TCERG1: variants seen among roughly 807,000 people sequenced by gnomAD.
The protein encoded by TCERG1 is transcription elongation regulator 1, also known as TATA box binding protein (TBP)-associated factor, RNA polymerase II, S, 150kD.
In TCERG1, 37 loss-of-function variants were observed where a neutral mutation model predicts 144.7. The ratio of observed to expected loss-of-function variants is 0.26; its 90% CI spans 0.20 to 0.34. The LOEUF is 0.34. Among genes scored for constraint, TCERG1 ranks in the 10% least tolerant of loss-of-function variants. The probability of loss-of-function intolerance (pLI) is 1.00; values close to 1 mark genes in which losing one functional copy is unlikely to be tolerated. For synonymous variants in TCERG1, 492 were observed against 458.2 expected (o/e 1.07, Z -0.94); for missense variants, 1,027 against 1,380.7 (o/e 0.74, Z 4.06).
rs139551859 is a variant in TCERG1, at chr5:146,503,611, G to C, written c.2598+72G>C. ...CTTGTGTTTAAGGGTATATGTTGTT[G>C]TTGGGGATTTTTCTATTGGGGGTTT... On this transcript the variant is annotated intron_variant, in intron 18 of 22. Coordinates refer to ENST00000679501, the MANE Select transcript of TCERG1 (RefSeq NM_001382548.1). 5.3e-5 allele frequency: 82 copies of C among 1,534,378 alleles called. 1 individual carries two copies. In the African/African-American group the frequency reaches 8.2e-4, roughly 15 times the overall value.
In TCERG1 at chr5:146,455,231, A is replaced by G. The variant is rs753862580; in HGVS notation, c.235A>G (p.Met79Val). 21 of 1,614,048 alleles carry G rather than the reference A, an allele frequency of 1.3e-5. No homozygotes were observed. Among genetic ancestry groups the G allele is most frequent in the Non-Finnish European group, 1.6e-5 (19 of 1,180,036 alleles). Residue 79 changes from methionine (M) to valine (V), a missense_variant, in exon 2 of 23, where the codon ATG (methionine) becomes GTG (valine). Coordinates refer to ENST00000679501, the MANE Select transcript of TCERG1 (RefSeq NM_001382548.1). ...TCCTTTTGATCCTAATATGCCGCCA[A>G]TGCCTCCTCCAGGAGGGATACCTCC... ...RPPFDPNMPPMPPPGGIPPPM... is the reference protein window; with the variant it reads ...RPPFDPNMPPVPPPGGIPPPM...
chr5:146,458,263 G>A (rs543156731), intron 3 of TCERG1, among the ~76,000 whole-genome samples: 31 of 151,262 alleles, frequency 2.0e-4, no homozygotes, highest in South Asian at 4.2e-4. Context: ...TGCAACCTCC[G>A]CCTCCCGGGT....
chr5:146,494,326 C>G (rs1466987993), intron 16 of TCERG1, among the ~76,000 whole-genome samples: 1 of 152,038 alleles, frequency 6.6e-6, no homozygotes, highest in Non-Finnish European at 1.5e-5. Flanking sequence ...TAAGTGAAGT[C>G]TTAAGATGTC....
chr5:146,492,693 T>C (rs1766540575), intron 15 of TCERG1, among the ~76,000 whole-genome samples: 1 of 152,174 alleles, frequency 6.6e-6, no homozygotes, highest in East Asian at 1.9e-4. Context: ...TAAAGAGGCT[T>C]TTTGCTGTTT....
intron 19 of TCERG1, 110 bp from the exon 20 acceptor site, chr5:146,506,918 G>A (rs1298172582): frequency 1.1e-6 from 1 of 875,136 alleles, no homozygotes; most frequent in African/African-American, 1.7e-5. Context: ...AGACACTTAG[G>A]TTGATTCCAT....
chr5:146,475,672 G>A (rs1239672683), intron 9 of TCERG1, among the ~76,000 whole-genome samples: 1 of 152,158 alleles, frequency 6.6e-6, no homozygotes, highest in Non-Finnish European at 1.5e-5. Flanking sequence ...TGAGCAGTAG[G>A]ATATAAATCC....
chr5:146,477,910 C>T (rs1001624567), intron 9 of TCERG1, among the ~76,000 whole-genome samples: 2 of 151,790 alleles, frequency 1.3e-5, no homozygotes, highest in Non-Finnish European at 2.9e-5. Flanking sequence ...ACCATGTTGC[C>T]CAGGCTGGTC....
At chr5:146,505,186 T>TG (rs1554103955) in intron 19 of TCERG1, among the ~76,000 whole-genome samples, 1 of 152,104 alleles carries the variant, frequency 6.6e-6, no homozygotes, top group Non-Finnish European at 1.5e-5. Context: ...GAGTTGCATG[T>TG]GGCCTGTGGG....
At chr5:146,453,888 A>T (rs1391109809) in intron 1 of TCERG1, among the ~76,000 whole-genome samples, 1 of 152,062 alleles carries the variant, frequency 6.6e-6, no homozygotes, top group African/African-American at 2.4e-5. Context: ...AAGAATACAC[A>T]TCCCCCTTTT....
rs185266111 is a variant in TCERG1, at chr5:146,458,206, C to T, written c.439-678C>T. Among the ~76,000 whole-genome samples, 80 of 151,470 alleles carry T rather than the reference C, an allele frequency of 5.3e-4. 1 individual carries two copies. Among genetic ancestry groups the T allele is most frequent in the African/African-American group, 1.8e-3 (73 of 41,258 alleles). The stretch of plus-strand genomic sequence containing the variant: ...TTTTTTTATTTTTGAGATGGAGTCT[C>T]GTGCTGTCACCCAGCCTGGAGTGCA... On this transcript the variant is annotated intron_variant, in intron 3 of 22. Transcript: ENST00000679501.
chr5:146,453,502 A>G (rs193152263), intron 1 of TCERG1, among the ~76,000 whole-genome samples: 57 of 152,346 alleles, frequency 3.7e-4, no homozygotes, highest in African/African-American at 1.2e-3. Flanking sequence ...TTACTTAACT[A>G]CAGCCTAATT....
chr5:146,447,645 C>T (rs1458614589), intron 1 of TCERG1, among the ~76,000 whole-genome samples: 1 of 152,216 alleles, frequency 6.6e-6, no homozygotes, highest in Non-Finnish European at 1.5e-5. Flanking sequence ...TTTCTTGGGG[C>T]CTCGCCGCCT....
rs757702427 is a variant in TCERG1 at position 146,480,074 on chromosome 5, T to A, written c.1866T>A (p.Pro622=). ...TGGAAGAAATTAATGAAGATGAGCCTGTTAAAGCAAAAAAACGGAAGTAAG... is the reference window on the plus strand; with the variant it reads ...TGGAAGAAATTAATGAAGATGAGCCAGTTAAAGCAAAAAAACGGAAGTAAG... The part of the protein sequence containing the change: ...ELMEEINEDE[P]VKAKKRKRMS... Residue 622 remains proline, a synonymous_variant, in exon 12 of 23, where the codon CCT becomes CCA. Transcript: ENST00000679501. 1.9e-6 allele frequency: 3 copies of A among 1,598,210 alleles called. No homozygotes were observed. The highest frequency in any genetic ancestry group is 2.6e-6 in the Non-Finnish European group (3 of 1,173,948).
intron 17 of TCERG1, among the ~76,000 whole-genome samples, chr5:146,500,847 C>T (rs1469067340): frequency 6.6e-6 from 1 of 151,744 alleles, no homozygotes; most frequent in African/African-American, 2.4e-5. Context: ...ATCTCTACAA[C>T]AAAACAAAAA....
At chr5:146,487,393 A>T (rs995196188) in intron 15 of TCERG1, among the ~76,000 whole-genome samples, 1 of 152,176 alleles carries the variant, frequency 6.6e-6, no homozygotes, top group Non-Finnish European at 1.5e-5. Flanking sequence ...AAAGCAATCT[A>T]CAGATTCAGT....
At chr5:146,479,260 A>G (rs1019015211) in intron 10 of TCERG1, among the ~76,000 whole-genome samples, 1 of 152,156 alleles carries the variant, frequency 6.6e-6, no homozygotes, top group Non-Finnish European at 1.5e-5. Flanking sequence ...GTGGCCCGCA[A>G]GTGGTATAGA....
intron 17 of TCERG1, 26 bp downstream of exon 17, chr5:146,498,712 G>A (rs758373485): frequency 8.8e-6 from 14 of 1,594,410 alleles, no homozygotes; most frequent in Non-Finnish European, 9.4e-6. Context: ...TTCCAGTGGT[G>A]TGATTGATGG....
chr5:146,459,484 G>A (rs1763158035), intron 4 of TCERG1, 147 bp downstream of exon 4: 1 of 1,407,958 alleles, frequency 7.1e-7, no homozygotes, highest in Non-Finnish European at 9.5e-7. Flanking sequence ...AAAACTTTTG[G>A]GTTAGAGGAA....
chr5:146,505,220 T>C lies in TCERG1; in HGVS notation c.2781+1214T>C, dbSNP rs1224087620. ...GGCCACGGGTTGGAAAACCTTGTCC[T>C]ACACCCTGGACAATTACAGTAGTTT... On this transcript the variant is annotated intron_variant, in intron 19 of 22. Transcript: ENST00000679501. Among the ~76,000 whole-genome samples, 3 of 152,176 alleles carry C rather than the reference T, an allele frequency of 2.0e-5. No homozygotes were observed. The East Asian group carries it at 5.8e-4, about 29-fold the overall frequency.
Sources: allele counts gnomAD v4.1 joint callset (sites outside exome capture counted in the v4.1 genomes callset), GRCh38; gene constraint gnomAD v4.1.1; transcripts MANE v1.5; gene names NCBI Gene and HGNC (gene_info 2026-07-23, HGNC 2026-07-21).